Variants in PLA2G4A observed in about 807,000 individuals in gnomAD.
PLA2G4A encodes phospholipase A2 group IVA.
Under a neutral mutation model 81.9 loss-of-function variants are expected in PLA2G4A, and 40 were observed. The observed-to-expected ratio is 0.49, with a 90% CI of 0.38 to 0.64. The LOEUF (loss-of-function observed/expected upper bound fraction) is 0.64. Among genes scored for constraint, PLA2G4A ranks in the 30% least tolerant of loss-of-function variants. The probability of loss-of-function intolerance (pLI) is 0.00; values close to 1 mark genes in which losing one functional copy is unlikely to be tolerated. For synonymous variants in PLA2G4A, 302 were observed against 296.9 expected (o/e 1.02, Z -0.18); for missense variants, 715 against 905.1 (o/e 0.79, Z 2.69).
chr1:186,905,644 A>G (rs967019135), intron 5 of PLA2G4A, among the ~76,000 whole-genome samples: 14 of 152,170 alleles, frequency 9.2e-5, no homozygotes, highest in African/African-American at 3.1e-4. Context: ...TTTGTCCCCA[A>G]TAGTAATCAG....
At chr1:186,864,864 G>A (rs1166824522) in intron 2 of PLA2G4A, among the ~76,000 whole-genome samples, 2 of 150,818 alleles carry the variant, frequency 1.3e-5, no homozygotes, top group African/African-American at 4.9e-5. Flanking sequence ...AGGCTGAGGT[G>A]GGCAGATTGC....
At chr1:186,845,583 G>A (rs1652142488) in intron 1 of PLA2G4A, among the ~76,000 whole-genome samples, 1 of 152,142 alleles carries the variant, frequency 6.6e-6, no homozygotes, top group Admixed American at 6.6e-5. Flanking sequence ...TATACAATGA[G>A]TTGGAGGGAA....
chr1:186,864,835 G>A (rs992514776), intron 2 of PLA2G4A, among the ~76,000 whole-genome samples: 1 of 151,206 alleles, frequency 6.6e-6, no homozygotes, highest in Non-Finnish European at 1.5e-5. Context: ...GCTCATGCCT[G>A]TAATCCCAGC....
intron 5 of PLA2G4A, 134 bp downstream of exon 5, chr1:186,894,345 G>T: frequency 3.1e-6 from 2 of 638,350 alleles, no homozygotes; most frequent in East Asian, 5.6e-5. Context: ...AGAAAATTTT[G>T]TTTTTCTTTT....
chr1:186,908,948 A>T (rs1373104597), intron 6 of PLA2G4A, among the ~76,000 whole-genome samples: 3 of 145,962 alleles, frequency 2.1e-5, no homozygotes, highest in East Asian at 2.0e-4. Flanking sequence ...TACAGGTAAG[A>T]TTTTAATTTC....
At chr1:186,901,653 G>A (rs1654544533) in intron 5 of PLA2G4A, among the ~76,000 whole-genome samples, 2 of 152,300 alleles carry the variant, frequency 1.3e-5, no homozygotes, top group Middle Eastern at 3.4e-3. Context: ...TTGTATGAAA[G>A]CTAATGGTTA....
chr1:186,844,761 A>C (rs1652110782), intron 1 of PLA2G4A, among the ~76,000 whole-genome samples: 1 of 152,222 alleles, frequency 6.6e-6, no homozygotes, highest in South Asian at 2.1e-4. Flanking sequence ...CGTTGTGCAC[A>C]TGTACCCTAA....
chr1:186,886,214 A>G (rs1258556198), intron 3 of PLA2G4A, among the ~76,000 whole-genome samples: 2 of 152,202 alleles, frequency 1.3e-5, no homozygotes, highest in Admixed American at 6.6e-5. Context: ...TAGGCGTGGT[A>G]TAGATGCAAG....
intron 13 of PLA2G4A, among the ~76,000 whole-genome samples, chr1:186,952,343 TG>T (rs1656588874): frequency 2.6e-5 from 4 of 152,198 alleles, no homozygotes; most frequent in African/African-American, 4.8e-5. Flanking sequence ...CAGCATGATA[TG>T]TAGTATGTGG....
At chr1:186,950,836 G>GTGTCT in intron 13 of PLA2G4A, 108 bp downstream of exon 13, 2 of 721,248 alleles carry the variant, frequency 2.8e-6, no homozygotes, top group South Asian at 1.5e-5. Flanking sequence ...CTTCAGACAC[G>GTGTCT]GAAGTGATAA....
intron 2 of PLA2G4A, among the ~76,000 whole-genome samples, chr1:186,869,344 G>A (rs1009482717): frequency 2.6e-5 from 4 of 151,970 alleles, no homozygotes; most frequent in Admixed American, 6.6e-5. Flanking sequence ...AGTTGAATAA[G>A]CATTATTTTG....
Position 186,988,589 on chromosome 1 carries a change from C to A in PLA2G4A, c.*81C>A. ...GACAACTGGATTTAAAAGTACAGTA[C>A]AGATAGTCGTACTGATCATGAGAGA... is the stretch of plus-strand genomic sequence containing the variant. On this transcript the variant is annotated 3_prime_UTR_variant, in exon 18 of 18. Coordinates refer to ENST00000367466, the MANE Select transcript of PLA2G4A (RefSeq NM_024420.3). 1 of 1,236,760 alleles carries A rather than the reference C, an allele frequency of 8.1e-7. No homozygotes were observed. Among genetic ancestry groups the A allele is most frequent in the Non-Finnish European group, 1.2e-6 (1 of 845,146 alleles). The allele number at this position is 1,236,760 out of a possible 1,614,324, so 76.6% of individuals were successfully genotyped here. A position where few individuals can be genotyped will look rare whatever the true frequency, so the allele number is the denominator to read the frequency against.
At chr1:186,903,744 C>T (rs1053395942) in intron 5 of PLA2G4A, among the ~76,000 whole-genome samples, 1 of 152,088 alleles carries the variant, frequency 6.6e-6, no homozygotes, top group African/African-American at 2.4e-5. Flanking sequence ...CTCAGGGCTC[C>T]CACTGATTCT....
At chr1:186,836,841 A>G (rs1276457337) in intron 1 of PLA2G4A, among the ~76,000 whole-genome samples, 1 of 152,186 alleles carries the variant, frequency 6.6e-6, no homozygotes, top group Non-Finnish European at 1.5e-5. Flanking sequence ...ACAGATAATA[A>G]ATTATAAAAG....
chr1:186,923,311 G>T (rs1655430104), intron 7 of PLA2G4A, among the ~76,000 whole-genome samples: 1 of 152,186 alleles, frequency 6.6e-6, no homozygotes, highest in African/African-American at 2.4e-5. Context: ...TTTTTAGTGT[G>T]TGTATGTGTG....
chr1:186,952,607 G>A (rs1026452289), intron 13 of PLA2G4A, among the ~76,000 whole-genome samples: 4 of 152,040 alleles, frequency 2.6e-5, no homozygotes, highest in Non-Finnish European at 5.9e-5. Flanking sequence ...CTCACTGTTA[G>A]TGTATATTCT....
intron 1 of PLA2G4A, among the ~76,000 whole-genome samples, chr1:186,830,943 TTGCTTGCTTG>T (rs1558338817): frequency 1.8e-4 from 7 of 38,138 alleles, no homozygotes; most frequent in East Asian, 1.7e-3. Flanking sequence ...TATAGCTTGC[TTGCTTGCTTG>T]CTTGCTTTCT....
intron 2 of PLA2G4A, among the ~76,000 whole-genome samples, chr1:186,857,090 A>T (rs1371750056): frequency 0.013 from 33 of 2,636 alleles, 3 homozygotes; most frequent in African/African-American, 0.078. Context: ...TACATATATA[A>T]TATATAATAT....
intron 1 of PLA2G4A, among the ~76,000 whole-genome samples, chr1:186,838,964 A>G (rs1031462240): frequency 6.6e-6 from 1 of 152,166 alleles, no homozygotes. Flanking sequence ...TTCTTTTCCA[A>G]TTCTTACAGT....
Sources: allele counts gnomAD v4.1 joint callset (sites outside exome capture counted in the v4.1 genomes callset), GRCh38; gene constraint gnomAD v4.1.1; transcripts MANE v1.5; gene names NCBI Gene and HGNC (gene_info 2026-07-23, HGNC 2026-07-21).